SOCS5: variants seen among roughly 807,000 people sequenced by gnomAD.
The protein encoded by SOCS5 is suppressor of cytokine signaling 5, also known as CIS-6.
In SOCS5, 32 loss-of-function variants were observed where a neutral mutation model predicts 42.8. The observed-to-expected ratio is 0.75, with a 90% CI of 0.56 to 1.01. The LOEUF is 1.01. Among genes scored for constraint, SOCS5 ranks in the 50% least tolerant of loss-of-function variants. SOCS5 has a pLI of 0.00. For missense variants in SOCS5, 627 were observed against 653.0 expected, an observed-to-expected ratio of 0.96 and a Z score of 0.43; for synonymous variants, 283 against 229.6, an observed-to-expected ratio of 1.23 and a Z score of -2.10.
intron 1 of SOCS5, among the ~76,000 whole-genome samples, chr2:46,701,070 C>T (rs1367123884): frequency 3.3e-5 from 5 of 152,190 alleles, no homozygotes; most frequent in South Asian, 4.1e-4. Flanking sequence ...ATATTTTCTC[C>T]TTATTGTCCT....
At chr2:46,744,688 C>T (rs13399713) in intron 1 of SOCS5, among the ~76,000 whole-genome samples, 7,141 of 151,572 alleles carry the variant, frequency 0.047, 624 homozygotes, top group African/African-American at 0.16. Context: ...CCCCCATGCC[C>T]GCTAATTTTT....
intron 1 of SOCS5, among the ~76,000 whole-genome samples, chr2:46,713,186 T>G (rs6723175): frequency 4.1e-4 from 63 of 152,208 alleles, no homozygotes; most frequent in African/African-American, 1.4e-3. Flanking sequence ...GCAGACCCCA[T>G]CTCTACCAAA....
intron 1 of SOCS5, among the ~76,000 whole-genome samples, chr2:46,741,612 A>T (rs1437259981): frequency 2.6e-5 from 4 of 152,140 alleles, no homozygotes; most frequent in Admixed American, 6.5e-5. Flanking sequence ...TATATTTTTT[A>T]AAAAATGTTT....
At chr2:46,711,690 C>T (rs749880016) in intron 1 of SOCS5, among the ~76,000 whole-genome samples, 2 of 152,160 alleles carry the variant, frequency 1.3e-5, no homozygotes, top group Non-Finnish European at 2.9e-5. Flanking sequence ...ATCTTTGCCA[C>T]CCCCACAGTT....
chr2:46,709,220 C>G (rs1036621083), intron 1 of SOCS5, among the ~76,000 whole-genome samples: 1 of 152,178 alleles, frequency 6.6e-6, no homozygotes, highest in Non-Finnish European at 1.5e-5. Context: ...CACTTTGCCT[C>G]TTTGCCTCTT....
At chr2:46,734,807 G>A (rs1390676194) in intron 1 of SOCS5, among the ~76,000 whole-genome samples, 1 of 152,154 alleles carries the variant, frequency 6.6e-6, no homozygotes, top group Non-Finnish European at 1.5e-5. Flanking sequence ...ACCACATCCA[G>A]GAATAAAAGC....
In SOCS5 at chr2:46,702,811, A is replaced by C. The variant is rs563376052; in HGVS notation, c.-13+3362A>C. Among the ~76,000 whole-genome samples, 13 of 152,282 alleles carry C rather than the reference A, an allele frequency of 8.5e-5. No individual in the cohort carries two copies. In the South Asian group the frequency reaches 2.7e-3, roughly 32 times the overall value. ...AAATGTTTTTGACGGTGACAGTTTG[A>C]GTTATAAGTTATCTCAGAATCCTTC... On this transcript the variant is annotated intron_variant, in intron 1 of 1. Transcript: ENST00000394861.
Position 46,704,810 on chromosome 2 carries a change from G to T in SOCS5, c.-13+5361G>T, listed in dbSNP as rs78908718. Among the ~76,000 whole-genome samples the T allele has an allele frequency of 3.6e-3, 555 of 152,226 alleles. 6 individuals are homozygous for T. Among genetic ancestry groups the T allele is most frequent in the African/African-American group, 0.013 (537 of 41,528 alleles). On this transcript the variant is annotated intron_variant, in intron 1 of 1. Transcript: ENST00000394861. Reference sequence around the variant, plus strand: ...CAACAAGCCCTTTCAAACACACCTGGGCATATGTTAATGAGGCTATTTTTG... The same window carrying T: ...CAACAAGCCCTTTCAAACACACCTGTGCATATGTTAATGAGGCTATTTTTG...
At chr2:46,734,968 C>T (rs372267887) in intron 1 of SOCS5, among the ~76,000 whole-genome samples, 157 of 152,250 alleles carry the variant, frequency 1.0e-3, no homozygotes, top group African/African-American at 3.6e-3. Flanking sequence ...TTCCGGAGTC[C>T]ATGCCTTTGC....
intron 1 of SOCS5, among the ~76,000 whole-genome samples, chr2:46,712,439 G>A (rs1389747888): frequency 2.7e-5 from 4 of 148,880 alleles, no homozygotes; most frequent in African/African-American, 1.0e-4. Flanking sequence ...CGCCTCCTGG[G>A]TTCAAGCGAT....
intron 1 of SOCS5, among the ~76,000 whole-genome samples, chr2:46,749,938 A>G (rs1378373830): frequency 1.3e-5 from 2 of 152,230 alleles, no homozygotes; most frequent in South Asian, 4.1e-4. Context: ...TAAAGATGCT[A>G]GATAATACTG....
At chr2:46,732,123 T>C (rs994426871) in intron 1 of SOCS5, among the ~76,000 whole-genome samples, 15 of 152,356 alleles carry the variant, frequency 9.8e-5, no homozygotes, top group African/African-American at 3.6e-4. Flanking sequence ...TTCATTCATC[T>C]AGTGTTAAAT....
chr2:46,748,315 C>A (rs1057371446), intron 1 of SOCS5, among the ~76,000 whole-genome samples: 1 of 151,484 alleles, frequency 6.6e-6, no homozygotes, highest in East Asian at 1.9e-4. Flanking sequence ...CCTCATGAGT[C>A]GCTGGGACCA....
intron 1 of SOCS5, among the ~76,000 whole-genome samples, chr2:46,724,267 T>A (rs1672946383): frequency 6.6e-6 from 1 of 151,904 alleles, no homozygotes; most frequent in East Asian, 1.9e-4. Flanking sequence ...CTGGCTAGGA[T>A]GTCAAATACA....
chr2:46,758,833 T>C lies in SOCS5; in HGVS notation c.303T>C (p.Cys101=), dbSNP rs749988044. The change falls in exon 2 of 2, where the codon TGT becomes TGC. Residue 101 remains cysteine (C), a synonymous_variant. Coordinates refer to ENST00000394861, the MANE Select transcript of SOCS5 (RefSeq NM_144949.3). ...EISIEKDNDS[C]VTPGTRLARR... ...GCATCGAAAAGGATAATGATTCTTG[T>C]GTTACCCCAGGAACAAGACTTGCAC... 1.2e-6 allele frequency: 2 copies of C among 1,614,160 alleles called. No homozygotes were observed. The highest frequency in any genetic ancestry group is 1.7e-6 in the Non-Finnish European group (2 of 1,179,986).
chr2:46,756,542 A>C (rs1673735017), intron 1 of SOCS5, among the ~76,000 whole-genome samples: 1 of 152,246 alleles, frequency 6.6e-6, no homozygotes, highest in Non-Finnish European at 1.5e-5. Flanking sequence ...TGTTCAATAC[A>C]AATATAACCT....
At chr2:46,715,371 CA>C (rs70940637) in intron 1 of SOCS5, among the ~76,000 whole-genome samples, 38,605 of 108,758 alleles carry the variant, frequency 0.35, 5,372 homozygotes, top group Non-Finnish European at 0.42. Context: ...AACACCCTGT[CA>C]AAAAAAAAAA....
Position 46,760,627 on chromosome 2 carries a change from G to C in SOCS5, c.*486G>C, listed in dbSNP as rs1009515890. ...AGAATAAAAGACTGCCTTCCTTTTAGAAAAAAATGCAATTTTCTGGCCACA... is the reference window on the plus strand; with the variant it reads ...AGAATAAAAGACTGCCTTCCTTTTACAAAAAAATGCAATTTTCTGGCCACA... On this transcript the variant is annotated 3_prime_UTR_variant, in exon 2 of 2. Coordinates refer to ENST00000394861, the MANE Select transcript of SOCS5 (RefSeq NM_144949.3). 5.9e-6 allele frequency: 1 copy of C among 169,306 alleles called. No homozygotes were observed. The highest frequency in any genetic ancestry group is 2.4e-5 in the African/African-American group (1 of 41,464). The allele number at this position is 169,306 out of a possible 1,614,324, so 10.5% of individuals were successfully genotyped here.
At chr2:46,746,813 G>C (rs77517745) in intron 1 of SOCS5, among the ~76,000 whole-genome samples, 13 of 149,984 alleles carry the variant, frequency 8.7e-5, no homozygotes, top group Admixed American at 1.3e-4. Flanking sequence ...AACTCACTTA[G>C]TTTACTTTTC....
Sources: allele counts gnomAD v4.1 joint callset (sites outside exome capture counted in the v4.1 genomes callset), GRCh38; gene constraint gnomAD v4.1.1; transcripts MANE v1.5; gene names NCBI Gene and HGNC (gene_info 2026-07-23, HGNC 2026-07-21).